The following MAST2 variants were observed in gnomAD, a reference collection of about 807,000 sequenced individuals.
MAST2 encodes the protein microtubule-associated serine/threonine-protein kinase 2.
Under a neutral mutation model 147.4 loss-of-function variants are expected in MAST2, and 70 were observed. The ratio of observed to expected loss-of-function variants is 0.47; its 90% CI spans 0.39 to 0.58. MAST2 has a LOEUF of 0.58. Among genes scored for constraint, MAST2 ranks in the 20% least tolerant of loss-of-function variants. The pLI is 0.00. For synonymous variants in MAST2, 869 were observed against 896.8 expected, an observed-to-expected ratio of 0.97 and a Z score of 0.55; for missense variants, 2,080 against 2,302.3, an observed-to-expected ratio of 0.90 and a Z score of 1.98.
At chr1:45,881,021 A>T (rs548912844) in intron 3 of MAST2, among the ~76,000 whole-genome samples, 15 of 152,226 alleles carry the variant, frequency 9.9e-5, no homozygotes, top group Admixed American at 2.0e-4. Flanking sequence ...TTTAGAAGAA[A>T]ATATAAGCAC....
intron 4 of MAST2, among the ~76,000 whole-genome samples, chr1:45,949,914 G>A (rs1040107859): frequency 3.3e-5 from 5 of 152,112 alleles, no homozygotes; most frequent in Admixed American, 1.3e-4. Flanking sequence ...TGTCTTTTGC[G>A]AGAACATGGA....
chr1:46,024,128 C>A, intron 15 of MAST2, 148 bp downstream of exon 15: 1 of 751,852 alleles, frequency 1.3e-6, no homozygotes, highest in Non-Finnish European at 2.2e-6. Context: ...CTCAGGATCA[C>A]AGAGACCATT....
At chr1:45,933,710 T>A (rs1418016213) in intron 4 of MAST2, among the ~76,000 whole-genome samples, 2 of 151,678 alleles carry the variant, frequency 1.3e-5, no homozygotes, top group Non-Finnish European at 2.9e-5. Context: ...GCCAAGATCG[T>A]GCCATTGCAC....
At chr1:45,922,780 C>G (rs1277955998) in intron 4 of MAST2, among the ~76,000 whole-genome samples, 1 of 152,018 alleles carries the variant, frequency 6.6e-6, no homozygotes, top group East Asian at 1.9e-4. Flanking sequence ...CCCACTTTTC[C>G]CTGGCTCCCA....
chr1:45,836,979 C>G (rs1645121684), intron 3 of MAST2, among the ~76,000 whole-genome samples: 1 of 152,150 alleles, frequency 6.6e-6, no homozygotes. Context: ...GAGGAGCGTG[C>G]AACCTAGATC....
chr1:45,932,009 T>G (rs932528110), intron 4 of MAST2, among the ~76,000 whole-genome samples: 10 of 152,322 alleles, frequency 6.6e-5, no homozygotes, highest in African/African-American at 2.4e-4. Flanking sequence ...TTCTTCTCAT[T>G]GTGTCCTGTT....
intron 4 of MAST2, among the ~76,000 whole-genome samples, chr1:45,899,251 T>A (rs1184889875): frequency 6.6e-6 from 1 of 152,030 alleles, no homozygotes; most frequent in Non-Finnish European, 1.5e-5. Context: ...GGAGGAGATT[T>A]GCTCTGCTGA....
Position 46,032,616 on chromosome 1 carries a change from G to A in MAST2, c.3435G>A (p.Pro1145=), listed in dbSNP as rs761932458. 27 of 1,614,042 alleles carry A rather than the reference G, an allele frequency of 1.7e-5. No individual in the cohort carries two copies. Among genetic ancestry groups the A allele is most frequent in the Admixed American group, 1.2e-4 (7 of 60,014 alleles). The change falls in exon 26 of 29, where the codon CCG becomes CCA. Residue 1145 remains proline, a synonymous_variant. Coordinates refer to ENST00000361297, the MANE Select transcript of MAST2 (RefSeq NM_015112.3). ...CACAGCACGTGGAGGATGGAGGTCCGGCCAGTGAGGCAGGGCTTCGTCAAG... is the reference window on the plus strand; with the variant it reads ...CACAGCACGTGGAGGATGGAGGTCCAGCCAGTGAGGCAGGGCTTCGTCAAG... ...HMVWHVEDGG[P]ASEAGLRQGD...
At chr1:45,814,385 T>C (rs1644391583) in intron 1 of MAST2, among the ~76,000 whole-genome samples, 1 of 152,196 alleles carries the variant, frequency 6.6e-6, no homozygotes, top group South Asian at 2.1e-4. Flanking sequence ...AAGACAGTGA[T>C]ATTGATGATC....
chr1:45,949,103 TTA>T, intron 4 of MAST2, among the ~76,000 whole-genome samples: 1 of 150,208 alleles, frequency 6.7e-6, no homozygotes. Flanking sequence ...CGTTAAAGAC[TTA>T]AACGTAAAAC....
chr1:45,862,651 G>T (rs1646020103), intron 3 of MAST2, among the ~76,000 whole-genome samples: 2 of 152,036 alleles, frequency 1.3e-5, no homozygotes, highest in Non-Finnish European at 2.9e-5. Flanking sequence ...TGTATTTTTA[G>T]TAGAAACACG....
intron 5 of MAST2, among the ~76,000 whole-genome samples, chr1:45,976,903 G>A (rs1251457200): frequency 6.6e-6 from 1 of 152,136 alleles, no homozygotes; most frequent in Non-Finnish European, 1.5e-5. Flanking sequence ...AGAGTTAGGG[G>A]GAGGAAGACG....
chr1:45,838,445 A>G (rs2147885575), intron 3 of MAST2, among the ~76,000 whole-genome samples: 1 of 148,302 alleles, frequency 6.7e-6, no homozygotes, highest in East Asian at 2.0e-4. Flanking sequence ...CTCTTCTTGA[A>G]CTCCTGACCT....
intron 4 of MAST2, among the ~76,000 whole-genome samples, chr1:45,958,536 C>G (rs1659970070): frequency 1.3e-5 from 2 of 150,958 alleles, no homozygotes; most frequent in African/African-American, 4.9e-5. Context: ...CTCTCTCCCT[C>G]TATCCCCCTC....
Position 45,929,382 on chromosome 1 carries a change from CA to C in MAST2, c.501-30003del, listed in dbSNP as rs972262087. ...TGTGAAGATTGTTTGCCCAGAGCAG[CA>C]GGGGGGGAGTTGTTGGTGGTGAAGC... On this transcript the variant is annotated intron_variant, in intron 4 of 28. Transcript: ENST00000361297. 4.4e-3 allele frequency among the ~76,000 whole-genome samples: 665 copies of C among 152,274 alleles called. 6 individuals carry two copies. Among genetic ancestry groups the C allele is most frequent in the African/African-American group, 0.015 (623 of 41,546 alleles).
intron 3 of MAST2, among the ~76,000 whole-genome samples, chr1:45,860,895 C>G (rs1002447843): frequency 6.6e-6 from 1 of 152,146 alleles, no homozygotes; most frequent in African/African-American, 2.4e-5. Context: ...TTTCAGCAAC[C>G]ATGTAGATGA....
chr1:45,952,600 C>T (rs1315334868), intron 4 of MAST2, among the ~76,000 whole-genome samples: 1 of 152,146 alleles, frequency 6.6e-6, no homozygotes, highest in East Asian at 1.9e-4. Context: ...AAATTAAGTA[C>T]AAAGGAACAG....
chr1:45,850,627 G>A (rs563118903), intron 3 of MAST2, among the ~76,000 whole-genome samples: 3 of 152,204 alleles, frequency 2.0e-5, no homozygotes, highest in Non-Finnish European at 2.9e-5. Flanking sequence ...GTTAATTTTT[G>A]TATGTGGTGA....
In MAST2 at chr1:45,829,585, A is replaced by G; in HGVS notation, c.468+4A>G. The G allele has an allele frequency of 6.2e-7, 1 of 1,610,812 alleles. No homozygotes were observed. The highest frequency in any genetic ancestry group is 8.5e-7 in the Non-Finnish European group (1 of 1,178,276). On this transcript the variant is annotated splice_donor_region_variant and intron_variant, in intron 3 of 28. Transcript: ENST00000361297. ...ACCTTCTCTTACTGCTGGCCTGGTA[A>G]GTGTTCATAAAGGTGGCATTTTGCT... is the stretch of plus-strand genomic sequence containing the variant.
Sources: gnomAD v4.1 joint callset for allele counts (sites outside exome capture counted in the v4.1 genomes callset) on GRCh38, gnomAD v4.1.1 for gene constraint, MANE v1.5 for transcripts, NCBI Gene and HGNC (gene_info 2026-07-23, HGNC 2026-07-21) for gene names.